The following SEMA5A variants were observed in gnomAD, a reference collection of about 807,000 sequenced individuals.
SEMA5A encodes semaphorin 5A.
A neutral mutation model predicts 135.5 loss-of-function variants in SEMA5A; 55 were observed. The observed-to-expected ratio is 0.41, with a 90% CI of 0.33 to 0.51. The LOEUF is 0.51. Ranked by LOEUF, SEMA5A falls within the 20% of genes least tolerant of loss-of-function variation. The pLI, the probability that SEMA5A is intolerant of heterozygous loss-of-function variation, is 0.37. For synonymous variants in SEMA5A, 580 were observed against 546.5 expected (o/e 1.06, Z -0.85); for missense variants, 1,290 against 1,419.9 (o/e 0.91, Z 1.47).
At chr5:9,358,083 G>A (rs1040144903) in intron 3 of SEMA5A, among the ~76,000 whole-genome samples, 1 of 152,080 alleles carries the variant, frequency 6.6e-6, no homozygotes, top group Non-Finnish European at 1.5e-5. Flanking sequence ...TGTTGCTCCA[G>A]CTTCTATAAC....
intron 22 of SEMA5A, among the ~76,000 whole-genome samples, chr5:9,043,562 T>C (rs1736077804): frequency 6.6e-6 from 1 of 152,168 alleles, no homozygotes; most frequent in South Asian, 2.1e-4. Context: ...GTCATTAAAG[T>C]CACCTGCAGT....
intron 11 of SEMA5A, among the ~76,000 whole-genome samples, chr5:9,157,835 AC>A (rs1743040799): frequency 1.3e-5 from 2 of 152,174 alleles, no homozygotes; most frequent in Admixed American, 1.3e-4. Context: ...TAGAAGAGAC[AC>A]CCCGAAAAAC....
chr5:9,076,146 A>T (rs1738041805), intron 16 of SEMA5A, among the ~76,000 whole-genome samples: 1 of 149,572 alleles, frequency 6.7e-6, no homozygotes, highest in Non-Finnish European at 1.5e-5. Context: ...CGGAGATTGC[A>T]GTAAGCCGAG....
At chr5:9,122,001 C>A (rs184000853) in intron 14 of SEMA5A, among the ~76,000 whole-genome samples, 2 of 152,156 alleles carry the variant, frequency 1.3e-5, no homozygotes, top group East Asian at 3.9e-4. Context: ...GAACAAGTGA[C>A]AAAGAAGCAT....
At chr5:9,452,541 A>C (rs1423220441) in intron 1 of SEMA5A, among the ~76,000 whole-genome samples, 3 of 152,208 alleles carry the variant, frequency 2.0e-5, no homozygotes, top group African/African-American at 4.8e-5. Flanking sequence ...ACAGGGTGGC[A>C]TTCTGCTTTG....
intron 1 of SEMA5A, among the ~76,000 whole-genome samples, chr5:9,462,035 T>A (rs941368863): frequency 2.6e-5 from 4 of 152,196 alleles, no homozygotes; most frequent in Non-Finnish European, 5.9e-5. Context: ...ATTGTTAGGA[T>A]GGTGGCACTG....
At chr5:9,086,631 T>C (rs756442578) in intron 16 of SEMA5A, among the ~76,000 whole-genome samples, 29 of 152,168 alleles carry the variant, frequency 1.9e-4, no homozygotes, top group Non-Finnish European at 3.5e-4. Flanking sequence ...TTATCAACAG[T>C]GTGAAAACGG....
intron 16 of SEMA5A, among the ~76,000 whole-genome samples, chr5:9,077,162 A>AT (rs1738113694): frequency 6.6e-6 from 1 of 152,112 alleles, no homozygotes; most frequent in Non-Finnish European, 1.5e-5. Flanking sequence ...AATACCTCCC[A>AT]ACAAAGGCCA....
intron 20 of SEMA5A, among the ~76,000 whole-genome samples, chr5:9,051,372 A>T (rs1261415384): frequency 1.3e-5 from 2 of 152,172 alleles, no homozygotes; most frequent in African/African-American, 2.4e-5. Flanking sequence ...TATCACCAAC[A>T]ACTACACACT....
chr5:9,444,597 G>A (rs901468982), intron 1 of SEMA5A, among the ~76,000 whole-genome samples: 8 of 152,194 alleles, frequency 5.3e-5, no homozygotes, highest in Middle Eastern at 3.4e-3. Flanking sequence ...TCATTGGTGG[G>A]CATTTTGGTT....
chr5:9,148,242 T>C (rs1309530644), intron 12 of SEMA5A, among the ~76,000 whole-genome samples: 6 of 152,246 alleles, frequency 3.9e-5, no homozygotes, highest in African/African-American at 1.2e-4. Flanking sequence ...TTTTCTAAAT[T>C]AGTGTTATTA....
chr5:9,122,953 T>C (rs767174086), intron 13 of SEMA5A, 116 bp from the exon 14 acceptor site: 208 of 1,011,430 alleles, frequency 2.1e-4, no homozygotes, highest in Non-Finnish European at 2.7e-4. Flanking sequence ...TTGTTGTTGT[T>C]GTTGCTGCAG....
At chr5:9,353,994 A>G (rs1468092614) in intron 3 of SEMA5A, among the ~76,000 whole-genome samples, 1 of 151,702 alleles carries the variant, frequency 6.6e-6, no homozygotes, top group African/African-American at 2.4e-5. Context: ...AAAAAGAAAC[A>G]AAAGCTGACA....
intron 1 of SEMA5A, among the ~76,000 whole-genome samples, chr5:9,473,140 T>A (rs429956): frequency 6.1e-4 from 88 of 144,930 alleles, no homozygotes; most frequent in African/African-American, 7.3e-4. Context: ...TATATATATA[T>A]AATGCCCACA....
intron 3 of SEMA5A, among the ~76,000 whole-genome samples, chr5:9,341,795 A>T (rs1467769531): frequency 6.6e-6 from 1 of 151,476 alleles, no homozygotes; most frequent in Non-Finnish European, 1.5e-5. Flanking sequence ...ATTTTTACAC[A>T]TATATTTACG....
At chr5:9,297,705 C>A (rs559451483) in intron 5 of SEMA5A, among the ~76,000 whole-genome samples, 1 of 146,130 alleles carries the variant, frequency 6.8e-6, no homozygotes, top group African/African-American at 2.5e-5. Flanking sequence ...CAGGTACATG[C>A]CACCATGTCA....
rs566510136 is a variant in SEMA5A at position 9,214,771 on chromosome 5, C to A, written c.646+9903G>T. On this transcript the variant is annotated intron_variant, in intron 8 of 22. Transcript: ENST00000382496. ...GCCTCTGTGCTCCTCTTAGGCTAGA[C>A]TATGAGAGCACTCATTTCTGCCATC... is the stretch of plus-strand genomic sequence containing the variant. Among the ~76,000 whole-genome samples, 10 of 152,320 alleles carry A rather than the reference C, an allele frequency of 6.6e-5. No individual in the cohort carries two copies. The East Asian group carries it at 1.9e-3, about 29-fold the overall frequency.
chr5:9,097,256 T>G (rs1739373804), intron 16 of SEMA5A, among the ~76,000 whole-genome samples: 1 of 152,080 alleles, frequency 6.6e-6, no homozygotes, highest in Non-Finnish European at 1.5e-5. Context: ...ATCCCCAGAG[T>G]CCATCACAGG....
intron 14 of SEMA5A, among the ~76,000 whole-genome samples, chr5:9,119,910 A>G (rs988992275): frequency 2.0e-5 from 3 of 151,484 alleles, no homozygotes; most frequent in African/African-American, 7.3e-5. Flanking sequence ...ATATATAAAA[A>G]TATAAAATAA....
Sources: gnomAD v4.1 joint callset for allele counts (sites outside exome capture counted in the v4.1 genomes callset) on GRCh38, gnomAD v4.1.1 for gene constraint, MANE v1.5 for transcripts, NCBI Gene and HGNC (gene_info 2026-07-23, HGNC 2026-07-21) for gene names.